The following MARCHF10 variants were observed in gnomAD, a reference collection of about 807,000 sequenced individuals.
MARCHF10 encodes the protein probable E3 ubiquitin-protein ligase MARCHF10.
In MARCHF10, 64 loss-of-function variants were observed where a neutral mutation model predicts 76.2. The observed-to-expected ratio is 0.84, with a 90% CI of 0.69 to 1.03. The LOEUF is 1.03. Ranked by LOEUF, MARCHF10 falls within the 50% of genes least tolerant of loss-of-function variation. The pLI, the probability that MARCHF10 is intolerant of heterozygous loss-of-function variation, is 0.00. For synonymous variants in MARCHF10, 340 were observed against 357.5 expected, an observed-to-expected ratio of 0.95 and a Z score of 0.55; for missense variants, 875 against 958.0, an observed-to-expected ratio of 0.91 and a Z score of 1.14.
chr17:62,712,672 G>A lies in MARCHF10; in HGVS notation c.2215-1328C>T, dbSNP rs777143981. On this transcript the variant is annotated intron_variant, in intron 8 of 10. Coordinates refer to ENST00000311269, the MANE Select transcript of MARCHF10 (RefSeq NM_152598.4). This position sits in a 1 kb window ranked among gnomAD's most constrained non-coding sequence, Gnocchi z 4.2. ...AGCCTCCTATTTTTAGCCTTTGGTCGTGTTTTTTGTGCTCTGCTGACCTTG... is the reference window on the plus strand; with the variant it reads ...AGCCTCCTATTTTTAGCCTTTGGTCATGTTTTTTGTGCTCTGCTGACCTTG... Among the ~76,000 whole-genome samples the A allele has an allele frequency of 6.6e-5, 10 of 152,194 alleles. No individual in the cohort carries two copies. Among genetic ancestry groups the A allele is most frequent in the Admixed American group, 6.5e-5 (1 of 15,282 alleles).
chr17:62,808,065 G>C lies in MARCHF10; in HGVS notation c.-18+12C>G, dbSNP rs975223081. 4 of 152,104 alleles carry C rather than the reference G, an allele frequency of 2.6e-5. No homozygotes were observed. Among genetic ancestry groups the C allele is most frequent in the African/African-American group, 7.3e-5 (3 of 41,340 alleles). 9.4% of individuals were successfully genotyped at this position (152,104 alleles called of 1,614,324 possible). A position where few individuals can be genotyped will look rare whatever the true frequency, so the allele number is the denominator to read the frequency against. On this transcript the variant is annotated intron_variant, in intron 1 of 10. Coordinates refer to ENST00000311269, the MANE Select transcript of MARCHF10 (RefSeq NM_152598.4). ...AACTGGAGCGGAGCGGCGGGGGCGAGGGGGCCGTTACCTGTGGGTCTGCCC... is the reference window on the plus strand; with the variant it reads ...AACTGGAGCGGAGCGGCGGGGGCGACGGGGCCGTTACCTGTGGGTCTGCCC...
chr17:62,735,909 T>C, intron 6 of MARCHF10, 22 bp downstream of exon 6: 1 of 1,576,984 alleles, frequency 6.3e-7, no homozygotes, highest in Non-Finnish European at 8.5e-7. Flanking sequence ...GGAAAAAATA[T>C]ATAATTATGA....
At chr17:62,725,299 C>T (rs1258853049) in intron 6 of MARCHF10, among the ~76,000 whole-genome samples, 195 bp from the exon 7 acceptor site, 1 of 152,140 alleles carries the variant, frequency 6.6e-6, no homozygotes, top group Non-Finnish European at 1.5e-5. Context: ...AGTCTCACTC[C>T]GTTGCCCAGG....
intron 8 of MARCHF10, among the ~76,000 whole-genome samples, chr17:62,713,355 A>T (rs1169606071): frequency 2.6e-5 from 4 of 152,308 alleles, no homozygotes; most frequent in Non-Finnish European, 5.9e-5. Flanking sequence ...CAGGAAAATC[A>T]TTTACTTTTT....
intron 3 of MARCHF10, among the ~76,000 whole-genome samples, chr17:62,775,218 C>A (rs2092528220): frequency 6.6e-6 from 1 of 150,978 alleles, no homozygotes; most frequent in South Asian, 2.1e-4. Flanking sequence ...CTCTGCCTCT[C>A]GGGTTCAGGC....
At chr17:62,702,714 T>C (rs2089318919) in intron 10 of MARCHF10, among the ~76,000 whole-genome samples, 2 of 152,158 alleles carry the variant, frequency 1.3e-5, no homozygotes, top group African/African-American at 4.8e-5. Context: ...AGTTTCTGCC[T>C]GTTGTGGAAG....
intron 4 of MARCHF10, among the ~76,000 whole-genome samples, chr17:62,748,901 C>T (rs992084041): frequency 5.9e-5 from 9 of 152,122 alleles, no homozygotes; most frequent in African/African-American, 1.7e-4. Flanking sequence ...TTACCCTGGA[C>T]GATGAAATTA....
intron 3 of MARCHF10, among the ~76,000 whole-genome samples, chr17:62,762,930 A>G (rs1246167538): frequency 6.6e-6 from 1 of 152,158 alleles, no homozygotes; most frequent in East Asian, 1.9e-4. Flanking sequence ...TCCTGGCACT[A>G]AAGTGTGGTA....
chr17:62,759,912 G>A lies in MARCHF10; in HGVS notation c.305C>T (p.Thr102Ile). Residue 102 changes from threonine to isoleucine, a missense_variant, in exon 4 of 11, where the codon ACA becomes ATA. Physicochemically the swap from Thr to Ile is moderately conservative, Grantham distance 89. Transcript: ENST00000311269. ...CDSKLPAIDQ[T>I]SVKQKHKSTM... is the part of the protein sequence containing the mutation. ...ACTTTTATGTTTCTGCTTGACTGAT[G>A]TTTGGTCAATTGCTGGAAGTTTGGA... is the stretch of plus-strand genomic sequence containing the variant. The A allele has an allele frequency of 1.2e-6, 2 of 1,614,044 alleles. No homozygotes were observed. Among genetic ancestry groups the A allele is most frequent in the Non-Finnish European group, 1.7e-6 (2 of 1,179,994 alleles).
rs17683292 is a variant in MARCHF10 at position 62,711,871 on chromosome 17, T to C, written c.2215-527A>G. On this transcript the variant is annotated intron_variant, in intron 8 of 10. Coordinates refer to ENST00000311269, the MANE Select transcript of MARCHF10 (RefSeq NM_152598.4). This position sits in a 1 kb window ranked among gnomAD's most constrained non-coding sequence, Gnocchi z 4.4. ...GCCTCCTTTGCCCCCATCATTCCTT[T>C]GCTTCCCAGTCCCTAAGCATTCGTC... is the stretch of plus-strand genomic sequence containing the variant. Among the ~76,000 whole-genome samples, 44,445 of 152,136 alleles carry C rather than the reference T, an allele frequency of 0.29. 6,709 individuals are homozygous for C. Among genetic ancestry groups the C allele is most frequent in the Admixed American group, 0.33 (5,075 of 15,296 alleles).
chr17:62,728,457 A>T (rs1391133226), intron 6 of MARCHF10, among the ~76,000 whole-genome samples: 1 of 152,194 alleles, frequency 6.6e-6, no homozygotes, highest in Non-Finnish European at 1.5e-5. Flanking sequence ...TCTCTCTACT[A>T]AACCACCCAT....
chr17:62,701,829 A>C, intron 10 of MARCHF10, 71 bp from the exon 11 acceptor site: 14 of 1,593,694 alleles, frequency 8.8e-6, no homozygotes, highest in Non-Finnish European at 1.1e-5. Flanking sequence ...GGGGCACGGC[A>C]CTGCTGCTTC....
chr17:62,744,577 G>A, intron 4 of MARCHF10, 49 bp from the exon 5 acceptor site: 1 of 1,601,498 alleles, frequency 6.2e-7, no homozygotes, highest in South Asian at 1.1e-5. Context: ...ACAGGAAAAT[G>A]TCTTCCATAT....
At position 62,725,050 on chromosome 17, in the gene MARCHF10, T is replaced by C. The variant is rs1599106444; in HGVS notation, c.1992A>G (p.Ile664Met). The C allele has an allele frequency of 6.2e-7, 1 of 1,608,086 alleles. No homozygotes were observed. Among genetic ancestry groups the C allele is most frequent in the South Asian group, 1.1e-5 (1 of 89,732 alleles). The change falls in exon 7 of 11, where the codon ATA becomes ATG. Residue 664 changes from isoleucine (I) to methionine (M), a missense_variant. By Grantham distance (10) the Ile-to-Met change is conservative (BLOSUM62 1). Coordinates refer to ENST00000311269, the MANE Select transcript of MARCHF10 (RefSeq NM_152598.4). The stretch of plus-strand genomic sequence containing the variant: ...GGGGGTTGCTTGGGGAACCCCCGGC[T>C]ATCTGACAGATGCGACACAAGTCTC... Reference protein sequence around the residue: ...EEGDLCRICQIAGGSPSNPLL... With the variant: ...EEGDLCRICQMAGGSPSNPLL...
rs758050386 is a variant in MARCHF10, at chr17:62,705,589, A to G, written c.2329-8T>C. 1.9e-6 allele frequency: 3 copies of G among 1,613,592 alleles called. No homozygotes were observed. Among genetic ancestry groups the G allele is most frequent in the South Asian group, 2.2e-5 (2 of 91,044 alleles). On this transcript the variant is annotated splice_region_variant and splice_polypyrimidine_tract_variant and intron_variant, in intron 9 of 10. Coordinates refer to ENST00000311269, the MANE Select transcript of MARCHF10 (RefSeq NM_152598.4). ...TGGGTAATTTCTTGACAACTACAAG[A>G]AAGAAGACAATGAGAAATGAATTGT... is the stretch of plus-strand genomic sequence containing the variant.
intron 3 of MARCHF10, among the ~76,000 whole-genome samples, chr17:62,762,934 T>C (rs1399115941): frequency 6.6e-6 from 1 of 152,206 alleles, no homozygotes; most frequent in Non-Finnish European, 1.5e-5. Context: ...GGCACTAAAG[T>C]GTGGTACTTA....
chr17:62,768,375 G>T (rs550776349), intron 3 of MARCHF10, among the ~76,000 whole-genome samples: 3 of 152,174 alleles, frequency 2.0e-5, no homozygotes, highest in South Asian at 2.1e-4. Context: ...AAAATTAGCC[G>T]GGCATGGTGG....
intron 2 of MARCHF10, among the ~76,000 whole-genome samples, chr17:62,789,038 C>A (rs1306569505): frequency 7.4e-6 from 1 of 135,454 alleles, no homozygotes; most frequent in African/African-American, 2.8e-5. Context: ...AGTCCGCAGT[C>A]CGGCCTGGGC....
intron 6 of MARCHF10, among the ~76,000 whole-genome samples, chr17:62,728,469 C>T (rs149551248): frequency 2.1e-4 from 32 of 152,184 alleles, no homozygotes; most frequent in Non-Finnish European, 4.3e-4. Context: ...ACCACCCATT[C>T]CTTCCTTCAT....
Sources: allele counts gnomAD v4.1 joint callset (sites outside exome capture counted in the v4.1 genomes callset), GRCh38; gene constraint gnomAD v4.1.1; non-coding constraint Gnocchi (gnomAD v3.1); transcripts MANE v1.5; gene names NCBI Gene and HGNC (gene_info 2026-07-23, HGNC 2026-07-21).